CLASP1: variants seen among roughly 807,000 people sequenced by gnomAD.
CLASP1 encodes cytoplasmic linker associated protein 1.
A neutral mutation model predicts 192.3 loss-of-function variants in CLASP1; 38 were observed. The ratio of observed to expected loss-of-function variants is 0.20; its 90% CI spans 0.15 to 0.26. The LOEUF (loss-of-function observed/expected upper bound fraction) is 0.26. CLASP1 is among the 10% of genes least tolerant of loss of function. The pLI is 1.00. For synonymous variants in CLASP1, 691 were observed against 712.8 expected (o/e 0.97, Z 0.49); for missense variants, 1,433 against 1,932.5 (o/e 0.74, Z 4.85).
chr2:121,430,278 A>C (rs1464499638), intron 19 of CLASP1, 101 bp from the exon 20 acceptor site: 1 of 807,504 alleles, frequency 1.2e-6, no homozygotes, highest in Admixed American at 2.5e-5. Flanking sequence ...TGACCAGCCA[A>C]CTACATGGGG....
intron 37 of CLASP1, among the ~76,000 whole-genome samples, chr2:121,359,280 C>A (rs1036719301): frequency 1.3e-5 from 2 of 152,198 alleles, no homozygotes; most frequent in African/African-American, 4.8e-5. Flanking sequence ...ATCATAATAT[C>A]TTTCATTCTC....
At position 121,616,320 on chromosome 2, in the gene CLASP1, G is replaced by A. The variant is rs545585220; in HGVS notation, c.-285-10140C>T. Reference sequence around the variant, plus strand: ...AAATTAGCCAGGCATGGTGGCAGGCGCCTGTAATCCCAGCTACTCGGGAGG... The same window carrying A: ...AAATTAGCCAGGCATGGTGGCAGGCACCTGTAATCCCAGCTACTCGGGAGG... On this transcript the variant is annotated intron_variant, in intron 1 of 39. Coordinates refer to ENST00000263710, the Ensembl canonical transcript of CLASP1. Among the ~76,000 whole-genome samples, 379 of 152,166 alleles carry A rather than the reference G, an allele frequency of 2.5e-3. 4 individuals are homozygous for A. The South Asian group carries it at 0.032, about 13-fold the overall frequency.
At chr2:121,484,552 C>A (rs897859396) in intron 8 of CLASP1, among the ~76,000 whole-genome samples, 5 of 152,162 alleles carry the variant, frequency 3.3e-5, no homozygotes, top group African/African-American at 1.2e-4. Flanking sequence ...GGTCTTGGGC[C>A]CCATCACAGG....
At chr2:121,438,941 C>T (rs1247366942) in intron 19 of CLASP1, among the ~76,000 whole-genome samples, 1 of 150,792 alleles carries the variant, frequency 6.6e-6, no homozygotes, top group Non-Finnish European at 1.5e-5. Context: ...TAGAATTCGG[C>T]TGTGAATCCA....
In CLASP1 at chr2:121,589,440, G is replaced by A. The variant is rs543386008; in HGVS notation, c.195+16261C>T. ...AGGTCAAGAGTTTGAGATCCGCCTG[G>A]CCAACATGGTAAAACCCTGTCTCTA... On this transcript the variant is annotated intron_variant, in intron 2 of 39. Coordinates refer to ENST00000263710, the Ensembl canonical transcript of CLASP1. 7.3e-4 allele frequency among the ~76,000 whole-genome samples: 111 copies of A among 152,188 alleles called. 2 individuals are homozygous for A. Among genetic ancestry groups the A allele is most frequent in the African/African-American group, 2.6e-3 (107 of 41,522 alleles).
chr2:121,533,654 CA>C (rs2094958979), intron 2 of CLASP1, among the ~76,000 whole-genome samples: 1 of 152,138 alleles, frequency 6.6e-6, no homozygotes, highest in Non-Finnish European at 1.5e-5. Context: ...AAAAGTCAAT[CA>C]AAATCTTTAA....
chr2:121,515,493 G>A (rs1035270325), intron 7 of CLASP1, among the ~76,000 whole-genome samples, 172 bp downstream of exon 7: 2 of 152,104 alleles, frequency 1.3e-5, no homozygotes, highest in African/African-American at 4.8e-5. Context: ...ACTGGAATGG[G>A]AGCGGACCCC....
Position 121,397,574 on chromosome 2 carries a change from A to G in CLASP1, c.2980-291T>C, listed in dbSNP as rs140665292. ...TGCTGCAAGACACTTCCAGGGCAGG[A>G]GCCCTTGAGAGGGGCCCGTGGGATT... On this transcript the variant is annotated intron_variant, in intron 29 of 39. Transcript: ENST00000263710. 3.1e-3 allele frequency among the ~76,000 whole-genome samples: 472 copies of G among 152,320 alleles called. 4 individuals carry two copies. Among genetic ancestry groups the G allele is most frequent in the African/African-American group, 0.011 (448 of 41,568 alleles).
chr2:121,387,076 T>C (rs781314444), intron 32 of CLASP1, 46 bp downstream of exon 33: 5 of 1,449,788 alleles, frequency 3.4e-6, no homozygotes. Flanking sequence ...GCAATTAAGG[T>C]GCTTTAGTTT....
At position 121,507,648 on chromosome 2, in the gene CLASP1, G is replaced by A. The variant is rs574561450; in HGVS notation, c.645-4414C>T. ...TAATGGCTAAAAACTTCACAAATTT[G>A]ATATAAAACAATCTATATATTTAAC... On this transcript the variant is annotated intron_variant, in intron 7 of 39. Coordinates refer to ENST00000263710, the Ensembl canonical transcript of CLASP1. Among the ~76,000 whole-genome samples, 773 of 152,242 alleles carry A rather than the reference G, an allele frequency of 5.1e-3. 3 individuals carry two copies. Among genetic ancestry groups the A allele is most frequent in the Middle Eastern group, 0.024 (7 of 292 alleles).
chr2:121,516,021 G>T (rs6715373), intron 6 of CLASP1, among the ~76,000 whole-genome samples: 1 of 151,922 alleles, frequency 6.6e-6, no homozygotes, highest in South Asian at 2.1e-4. Flanking sequence ...AGTTCTTTCC[G>T]TTCTTTAAGG....
chr2:121,373,611 G>C (rs2069259052), intron 34 of CLASP1, among the ~76,000 whole-genome samples: 1 of 152,214 alleles, frequency 6.6e-6, no homozygotes, highest in Non-Finnish European at 1.5e-5. Flanking sequence ...TAGTGATATG[G>C]ACAGTGAAGT....
chr2:121,430,136 T>C, exon 20 of CLASP1: 1 of 1,577,778 alleles, frequency 6.3e-7, no homozygotes, highest in Non-Finnish European at 8.6e-7. Context: ...GAGGCGACGT[T>C]GGTGGCACTC....
chr2:121,350,932 C>T (rs940485404), intron 37 of CLASP1, among the ~76,000 whole-genome samples: 1 of 152,194 alleles, frequency 6.6e-6, no homozygotes, highest in Non-Finnish European at 1.5e-5. Context: ...AAATTAGTTG[C>T]AGTTTTTACC....
intron 6 of CLASP1, among the ~76,000 whole-genome samples, chr2:121,523,369 G>A (rs1156559477): frequency 2.0e-5 from 3 of 152,134 alleles, no homozygotes; most frequent in Admixed American, 2.0e-4. Context: ...AAAATCCCTA[G>A]AGACCTTACA....
At position 121,404,559 on chromosome 2, in the gene CLASP1, C is replaced by G. The variant is rs574274694; in HGVS notation, c.2670-125G>C. The G allele has an allele frequency of 1.1e-5, 9 of 849,160 alleles. No homozygotes were observed. The African/African-American group carries it at 1.5e-4, about 14-fold the overall frequency. The allele number at this position is 849,160 out of a possible 1,614,324, so 52.6% of individuals were successfully genotyped here. A position where few individuals can be genotyped will look rare whatever the true frequency, so the allele number is the denominator to read the frequency against. On this transcript the variant is annotated intron_variant, in intron 25 of 39. Transcript: ENST00000263710. ...ATAGCTCACTACAGCCTTGATCTCC[C>G]AAGCTCAAGTGATCCTCCCACCTCA... is the stretch of plus-strand genomic sequence containing the variant.
At chr2:121,554,385 A>T (rs951552836) in intron 2 of CLASP1, among the ~76,000 whole-genome samples, 7 of 147,394 alleles carry the variant, frequency 4.7e-5, no homozygotes, top group Non-Finnish European at 3.0e-5. Context: ...CCAAGGCAGG[A>T]GGATCTCTTG....
At chr2:121,584,918 C>T (rs1576238907) in intron 2 of CLASP1, among the ~76,000 whole-genome samples, 3 of 152,320 alleles carry the variant, frequency 2.0e-5, no homozygotes, top group African/African-American at 7.2e-5. Flanking sequence ...GGATCAACCA[C>T]AAAGAAACAA....
At chr2:121,645,065 T>C (rs983854959) in intron 1 of CLASP1, among the ~76,000 whole-genome samples, 3 of 152,096 alleles carry the variant, frequency 2.0e-5, no homozygotes, top group Non-Finnish European at 4.4e-5. Context: ...ACCTTCACTA[T>C]AATCAGCCAT....
Sources: gnomAD v4.1 joint callset for allele counts (sites outside exome capture counted in the v4.1 genomes callset) on GRCh38, gnomAD v4.1.1 for gene constraint, MANE v1.5 for transcripts, NCBI Gene and HGNC (gene_info 2026-07-23, HGNC 2026-07-21) for gene names.